KCNJ6: variants seen among roughly 807,000 people sequenced by gnomAD.
The protein encoded by KCNJ6 is potassium inwardly rectifying channel subfamily J member 6, also known as G protein-activated inward rectifier potassium channel 2.
In KCNJ6, 9 loss-of-function variants were observed where a neutral mutation model predicts 34.2. The observed-to-expected ratio is 0.26, with a 90% confidence interval of 0.16 to 0.46. The LOEUF is 0.46. Ranked by LOEUF, KCNJ6 falls within the 20% of genes least tolerant of loss-of-function variation. The pLI is 1.00. For missense variants in KCNJ6, 236 were observed against 531.3 expected (o/e 0.44, Z 5.46); for synonymous variants, 196 against 207.1 (o/e 0.95, Z 0.46).
intron 1 of KCNJ6, among the ~76,000 whole-genome samples, chr21:37,871,626 C>G (rs1349465808): frequency 6.6e-6 from 1 of 152,194 alleles, no homozygotes; most frequent in African/African-American, 2.4e-5. Context: ...TCATGGCTCT[C>G]TCTTCAAATC....
chr21:37,610,596 C>G lies in KCNJ6; in HGVS notation c.*14563G>C, dbSNP rs1787338. 1 of 14,368 alleles carries G rather than the reference C, an allele frequency of 7.0e-5. No individual in the cohort carries two copies. Among genetic ancestry groups the G allele is most frequent in the Non-Finnish European group, 1.1e-4 (1 of 9,104 alleles). 0.9% of individuals were successfully genotyped at this position (14,368 alleles called of 1,614,324 possible). ...CCTGGGCAACAGAGTGAGACTCTGT[C>G]TTAAAAAAAAAAAAAAAAAAAAAAG... On this transcript the variant is annotated 3_prime_UTR_variant, in exon 4 of 4. Transcript: ENST00000609713.
At chr21:37,852,048 C>G (rs1264267944) in intron 1 of KCNJ6, among the ~76,000 whole-genome samples, 1 of 152,124 alleles carries the variant, frequency 6.6e-6, no homozygotes, top group Non-Finnish European at 1.5e-5. Flanking sequence ...AGACAGAAAA[C>G]CTTTGAACAA....
chr21:37,809,389 G>A (rs374851611), intron 2 of KCNJ6, among the ~76,000 whole-genome samples: 7 of 152,020 alleles, frequency 4.6e-5, no homozygotes, highest in East Asian at 1.9e-4. Flanking sequence ...GTGGGGAGAG[G>A]GGGGAGGGAT....
intron 3 of KCNJ6, among the ~76,000 whole-genome samples, chr21:37,655,216 TGTGTGTGTGAGAGAGAGA>T (rs2054454630): frequency 4.4e-4 from 9 of 20,314 alleles, no homozygotes; most frequent in Non-Finnish European, 1.2e-3. Flanking sequence ...TGTGTGTGTG[TGTGTGTGTGAGAGAGAGA>T]GAGAGAGAGA....
At position 37,698,085 on chromosome 21, in the gene KCNJ6, T is replaced by C. The variant is rs114324984; in HGVS notation, c.946+16126A>G. 3.3e-3 allele frequency among the ~76,000 whole-genome samples: 496 copies of C among 152,356 alleles called. 6 individuals are homozygous for C. Among genetic ancestry groups the C allele is most frequent in the African/African-American group, 0.011 (466 of 41,578 alleles). The stretch of plus-strand genomic sequence containing the variant: ...GTTAAACAAAGACACTCATGCTCTT[T>C]TATCATTTTCTTTGAAAACAGAATG... On this transcript the variant is annotated intron_variant, in intron 3 of 3. Transcript: ENST00000609713.
intron 2 of KCNJ6, among the ~76,000 whole-genome samples, chr21:37,756,435 G>A (rs1235215468): frequency 1.3e-5 from 2 of 152,322 alleles, no homozygotes; most frequent in East Asian, 1.9e-4. Context: ...GGGGACGTGC[G>A]TGGAAACAGA....
chr21:37,677,661 A>G (rs1489218129), intron 3 of KCNJ6, among the ~76,000 whole-genome samples: 1 of 151,812 alleles, frequency 6.6e-6, no homozygotes, highest in Non-Finnish European at 1.5e-5. Context: ...ACTATTGCAT[A>G]AGCTCCAAGA....
At chr21:37,689,958 C>A (rs920141720) in intron 3 of KCNJ6, among the ~76,000 whole-genome samples, 3 of 152,064 alleles carry the variant, frequency 2.0e-5, no homozygotes, top group African/African-American at 7.3e-5. Flanking sequence ...GACCCCCACT[C>A]CTGCATTCGT....
intron 2 of KCNJ6, among the ~76,000 whole-genome samples, chr21:37,819,502 G>GA (rs998097056): frequency 1.8e-4 from 26 of 148,504 alleles, no homozygotes; most frequent in Non-Finnish European, 2.1e-4. Context: ...TGTATTTAAG[G>GA]AAAAAAAAAA....
chr21:37,858,889 G>A (rs561754456), intron 1 of KCNJ6, among the ~76,000 whole-genome samples: 154 of 152,286 alleles, frequency 1.0e-3, no homozygotes, highest in Non-Finnish European at 1.8e-3. Context: ...CAGGGAAGGT[G>A]AAGGAGGAAA....
At chr21:37,827,378 G>C (rs1242937334) in intron 2 of KCNJ6, among the ~76,000 whole-genome samples, 2 of 152,170 alleles carry the variant, frequency 1.3e-5, no homozygotes, top group African/African-American at 4.8e-5. Context: ...TCAGGTGTAA[G>C]GTGCAGTGTT....
chr21:37,883,045 T>C (rs1424054553), intron 1 of KCNJ6, among the ~76,000 whole-genome samples: 2 of 152,216 alleles, frequency 1.3e-5, no homozygotes, highest in African/African-American at 2.4e-5. Context: ...TGCATGTGTA[T>C]TCACGCGCTT....
rs557335277 is a variant in KCNJ6, at chr21:37,882,336, T to C, written c.-28+33548A>G. Among the ~76,000 whole-genome samples the C allele has an allele frequency of 2.6e-5, 4 of 152,258 alleles. No individual in the cohort carries two copies. In the South Asian group the frequency reaches 8.3e-4, roughly 32 times the overall value. On this transcript the variant is annotated intron_variant, in intron 1 of 3. Coordinates refer to ENST00000609713, the MANE Select transcript of KCNJ6 (RefSeq NM_002240.5). The stretch of plus-strand genomic sequence containing the variant: ...GGCTTGGGTTTCTTGGTAACAGAAG[T>C]GCTGGGGAGATGGGGCTGCTCTATT...
At chr21:37,855,830 T>G (rs1220353571) in intron 1 of KCNJ6, among the ~76,000 whole-genome samples, 2 of 152,244 alleles carry the variant, frequency 1.3e-5, no homozygotes, top group Non-Finnish European at 2.9e-5. Flanking sequence ...TGGTTCCTAA[T>G]TTTTTAAAAT....
intron 3 of KCNJ6, among the ~76,000 whole-genome samples, chr21:37,693,736 G>C (rs538399213): frequency 2.0e-5 from 3 of 152,298 alleles, no homozygotes; most frequent in African/African-American, 7.2e-5. Context: ...TAGATTAAAT[G>C]GTAACACTTT....
At chr21:37,859,885 T>C (rs115658901) in intron 1 of KCNJ6, among the ~76,000 whole-genome samples, 75 of 152,274 alleles carry the variant, frequency 4.9e-4, no homozygotes, top group African/African-American at 1.7e-3. Flanking sequence ...GCATTTCAAC[T>C]CCTCTGAATT....
chr21:37,643,888 G>T (rs1569436091), intron 3 of KCNJ6, among the ~76,000 whole-genome samples: 2 of 152,142 alleles, frequency 1.3e-5, no homozygotes, highest in African/African-American at 2.4e-5. Context: ...ATACCCAGAG[G>T]AATATAAATT....
chr21:37,706,259 A>G (rs2054719042), intron 3 of KCNJ6, among the ~76,000 whole-genome samples: 1 of 152,260 alleles, frequency 6.6e-6, no homozygotes, highest in Admixed American at 6.5e-5. Flanking sequence ...ATGACACCAC[A>G]CATTTCAAAA....
intron 1 of KCNJ6, among the ~76,000 whole-genome samples, chr21:37,844,391 TG>T (rs1218673534): frequency 6.6e-6 from 1 of 152,150 alleles, no homozygotes; most frequent in Non-Finnish European, 1.5e-5. Context: ...CTTCCCTCGC[TG>T]CACTCTACTT....
Sources: gnomAD v4.1 joint callset for allele counts (sites outside exome capture counted in the v4.1 genomes callset) on GRCh38, gnomAD v4.1.1 for gene constraint, MANE v1.5 for transcripts, NCBI Gene and HGNC (gene_info 2026-07-23, HGNC 2026-07-21) for gene names.